The following LRMDA variants were observed in gnomAD, a reference collection of about 807,000 sequenced individuals.
LRMDA encodes leucine-rich melanocyte differentiation-associated protein.
LRMDA carries 18 observed loss-of-function variants against 29.8 expected under a neutral mutation model. The ratio of observed to expected loss-of-function variants is 0.60; its 90% CI spans 0.42 to 0.90. The LOEUF (loss-of-function observed/expected upper bound fraction) is 0.90. LRMDA is among the 40% of genes least tolerant of loss of function. LRMDA has a pLI of 0.00. For missense variants in LRMDA, 273 were observed against 273.9 expected (o/e 1.00, Z 0.02); for synonymous variants, 125 against 109.4 (o/e 1.14, Z -0.89).
intron 2 of LRMDA, among the ~76,000 whole-genome samples, chr10:75,825,310 A>G (rs904913959): frequency 1.3e-5 from 2 of 152,200 alleles, no homozygotes; most frequent in African/African-American, 4.8e-5. Flanking sequence ...GGTGGTGTTA[A>G]TTCCTGCCAA....
At chr10:75,579,733 C>T (rs766053729) in intron 2 of LRMDA, among the ~76,000 whole-genome samples, 31 of 152,148 alleles carry the variant, frequency 2.0e-4, no homozygotes, top group African/African-American at 4.6e-4. Context: ...ATGATCAAGT[C>T]GGCTTCATCC....
At chr10:75,548,672 AAATG>A (rs1840108012) in intron 2 of LRMDA, among the ~76,000 whole-genome samples, 1 of 152,164 alleles carries the variant, frequency 6.6e-6, no homozygotes, top group African/African-American at 2.4e-5. Flanking sequence ...ACAAACATGA[AAATG>A]AATTTTCATA....
chr10:76,254,783 G>T (rs947528088), intron 5 of LRMDA, among the ~76,000 whole-genome samples: 2 of 151,730 alleles, frequency 1.3e-5, no homozygotes, highest in Non-Finnish European at 2.9e-5. Context: ...GTCACATTCT[G>T]GGCATGATTA....
chr10:75,548,356 T>C (rs1053319028), intron 2 of LRMDA, among the ~76,000 whole-genome samples: 1 of 152,196 alleles, frequency 6.6e-6, no homozygotes, highest in African/African-American at 2.4e-5. Flanking sequence ...GCTAACATCT[T>C]TCTATGCTAG....
chr10:76,049,029 T>A (rs923970938), intron 4 of LRMDA, among the ~76,000 whole-genome samples: 4 of 152,202 alleles, frequency 2.6e-5, no homozygotes, highest in African/African-American at 7.2e-5. Flanking sequence ...CACTGCCCAT[T>A]TGGAATCAGA....
intron 2 of LRMDA, among the ~76,000 whole-genome samples, chr10:75,916,235 G>A (rs921293831): frequency 2.6e-5 from 4 of 151,794 alleles, no homozygotes; most frequent in South Asian, 2.1e-4. Flanking sequence ...ACCATAGCCC[G>A]TGAGCCTTCC....
At chr10:75,790,837 A>G (rs1485786049) in intron 2 of LRMDA, among the ~76,000 whole-genome samples, 1 of 152,226 alleles carries the variant, frequency 6.6e-6, no homozygotes, top group Non-Finnish European at 1.5e-5. Flanking sequence ...AAGAGGAGTT[A>G]CTTTGAGACA....
chr10:75,813,320 G>A (rs1451507813), intron 2 of LRMDA, among the ~76,000 whole-genome samples: 8 of 152,162 alleles, frequency 5.3e-5, no homozygotes, highest in South Asian at 2.1e-4. Flanking sequence ...GCCGACCCAC[G>A]GGGAGAAACT....
In LRMDA at chr10:76,250,368, G is replaced by A. The variant is rs1353791953; in HGVS notation, c.517-74033G>A. On this transcript the variant is annotated intron_variant, in intron 5 of 6. Transcript: ENST00000611255. ...TTGAGTGGATATAATGGGATACAGA[G>A]GGTGGCACATTGCAAGCTTTGATGA... 2.0e-5 allele frequency among the ~76,000 whole-genome samples: 3 copies of A among 152,192 alleles called. No individual in the cohort carries two copies. In the South Asian group the frequency reaches 6.2e-4, roughly 31 times the overall value.
chr10:75,925,880 G>C lies in LRMDA; in HGVS notation c.132-110128G>C, dbSNP rs369145676. ...GTTGGCCAGGCTGGTCTCGAACTAC[G>C]AACTACTGACCTCGTATAATCTGGC... On this transcript the variant is annotated intron_variant, in intron 2 of 6. Coordinates refer to ENST00000611255, the MANE Select transcript of LRMDA (RefSeq NM_001305581.2). Among the ~76,000 whole-genome samples, 7 of 152,010 alleles carry C rather than the reference G, an allele frequency of 4.6e-5. No homozygotes were observed. The East Asian group carries it at 9.7e-4, about 21-fold the overall frequency.
chr10:75,783,007 A>C lies in LRMDA; in HGVS notation c.132-253001A>C, dbSNP rs529040494. On this transcript the variant is annotated intron_variant, in intron 2 of 6. Transcript: ENST00000611255. ...AAGTATTTGTCACTCAGCGGCAATCATTCTTCAAATAAAAGGTTAGCCAGA... is the reference window on the plus strand; with the variant it reads ...AAGTATTTGTCACTCAGCGGCAATCCTTCTTCAAATAAAAGGTTAGCCAGA... The C allele has an allele frequency of 5.1e-5, 82 of 1,614,162 alleles. No homozygotes were observed. In the East Asian group the frequency reaches 1.8e-3, roughly 35 times the overall value.
chr10:76,383,646 G>A (rs1841623179), intron 6 of LRMDA, among the ~76,000 whole-genome samples: 1 of 150,408 alleles, frequency 6.6e-6, no homozygotes, highest in Admixed American at 6.6e-5. Flanking sequence ...TAGCCAGGAT[G>A]GTCTCGATCT....
At chr10:76,524,195 T>C (rs147664408) in intron 6 of LRMDA, among the ~76,000 whole-genome samples, 2 of 152,298 alleles carry the variant, frequency 1.3e-5, no homozygotes, top group South Asian at 2.1e-4. Flanking sequence ...ATATTTTTTA[T>C]TGGAAGGGAG....
chr10:76,438,860 T>C (rs1418057549), intron 6 of LRMDA: 2 of 152,358 alleles, frequency 1.3e-5, no homozygotes, highest in South Asian at 2.1e-4. Context: ...TTTTGGATGA[T>C]TCAAACATGC....
At chr10:75,536,594 C>T (rs985675895) in intron 2 of LRMDA, among the ~76,000 whole-genome samples, 2 of 152,158 alleles carry the variant, frequency 1.3e-5, no homozygotes, top group Non-Finnish European at 2.9e-5. Flanking sequence ...GATGGAGCCT[C>T]ACTCTGCTGC....
chr10:75,825,026 C>G lies in LRMDA; in HGVS notation c.132-210982C>G, dbSNP rs76454575. Among the ~76,000 whole-genome samples, 353 of 152,250 alleles carry G rather than the reference C, an allele frequency of 2.3e-3. 1 individual carries two copies. Among genetic ancestry groups the G allele is most frequent in the African/African-American group, 8.0e-3 (333 of 41,528 alleles). ...TTCAAGGAGGTGTGTAGACCTAACA[C>G]CTTCATTATCAGCTGACGCCATAAG... On this transcript the variant is annotated intron_variant, in intron 2 of 6. Transcript: ENST00000611255.
intron 2 of LRMDA, among the ~76,000 whole-genome samples, chr10:75,867,662 A>G (rs1255256926): frequency 1.3e-5 from 2 of 152,184 alleles, no homozygotes; most frequent in East Asian, 3.8e-4. Flanking sequence ...ATTTATCCCT[A>G]AAAACCCCAT....
intron 6 of LRMDA, among the ~76,000 whole-genome samples, chr10:76,500,278 G>A (rs1422718913): frequency 1.3e-5 from 1 of 75,710 alleles, no homozygotes; most frequent in East Asian, 2.5e-4. Context: ...CCATTAGATG[G>A]TCACTATTGA....
chr10:76,350,443 T>C (rs2132431263), intron 6 of LRMDA, among the ~76,000 whole-genome samples: 1 of 151,864 alleles, frequency 6.6e-6, no homozygotes, highest in African/African-American at 2.4e-5. Context: ...GGGACCGATT[T>C]TTTTTTTTTT....
Sources: gnomAD v4.1 joint callset for allele counts (sites outside exome capture counted in the v4.1 genomes callset) on GRCh38, gnomAD v4.1.1 for gene constraint, MANE v1.5 for transcripts, NCBI Gene and HGNC (gene_info 2026-07-23, HGNC 2026-07-21) for gene names.